The following PRKCB variants were observed in gnomAD, a reference collection of about 807,000 sequenced individuals.
PRKCB encodes protein kinase C beta, also known as protein kinase C beta type.
A neutral mutation model predicts 81.5 loss-of-function variants in PRKCB; 13 were observed. The ratio of observed to expected loss-of-function variants is 0.16; its 90% CI spans 0.10 to 0.25. The LOEUF is 0.25. PRKCB is among the 10% of genes least tolerant of loss of function. The pLI, the probability that PRKCB is intolerant of heterozygous loss-of-function variation, is 1.00. For synonymous variants in PRKCB, 335 were observed against 321.4 expected (o/e 1.04, Z -0.45); for missense variants, 509 against 875.7 (o/e 0.58, Z 5.29).
intron 2 of PRKCB, among the ~76,000 whole-genome samples, chr16:23,971,558 G>A (rs553730353): frequency 6.6e-6 from 1 of 152,178 alleles, no homozygotes; most frequent in Non-Finnish European, 1.5e-5. Flanking sequence ...AGCAAGAGAC[G>A]AGAAGGTGGG....
intron 7 of PRKCB, among the ~76,000 whole-genome samples, chr16:24,108,316 TTTTTATTTTTTA>T (rs1003165572): frequency 6.7e-6 from 1 of 148,596 alleles, no homozygotes; most frequent in African/African-American, 2.5e-5. Context: ...ATTGATTGAC[TTTTTATTTTTTA>T]TTTTATTTTT....
chr16:23,923,510 C>T (rs1037343766), intron 2 of PRKCB, among the ~76,000 whole-genome samples: 4 of 152,102 alleles, frequency 2.6e-5, no homozygotes, highest in Admixed American at 6.6e-5. Context: ...ATGGAATTAA[C>T]ACTACCTGAA....
chr16:23,843,058 A>G (rs1962294609), intron 2 of PRKCB, among the ~76,000 whole-genome samples: 1 of 152,232 alleles, frequency 6.6e-6, no homozygotes, highest in Admixed American at 6.5e-5. Flanking sequence ...ACCCTATCAA[A>G]TATAAAGTTT....
chr16:24,214,464 T>C (rs142676683), intron 16 of PRKCB, among the ~76,000 whole-genome samples, 194 bp from the exon 17 acceptor site: 63 of 152,266 alleles, frequency 4.1e-4, no homozygotes, highest in African/African-American at 1.4e-3. Context: ...CCCAAGGTCG[T>C]GCACCAAAGG....
Position 23,837,775 on chromosome 16 carries a change from C to T in PRKCB, c.205+369C>T, listed in dbSNP as rs529409380. Reference sequence around the variant, plus strand: ...AGTTCCCCTTTCTCTGCCCATGTCCCTTCCTTATCTCACCCAGGGAGGTTC... The same window carrying T: ...AGTTCCCCTTTCTCTGCCCATGTCCTTTCCTTATCTCACCCAGGGAGGTTC... On this transcript the variant is annotated intron_variant, in intron 2 of 16. Coordinates refer to ENST00000643927, the MANE Select transcript of PRKCB (RefSeq NM_002738.7). Among the ~76,000 whole-genome samples, 647 of 152,296 alleles carry T rather than the reference C, an allele frequency of 4.2e-3. 4 individuals carry two copies. The highest frequency in any genetic ancestry group is 0.015 in the African/African-American group (616 of 41,550).
chr16:24,110,150 G>GGAGGGAGAA (rs1966656114), intron 7 of PRKCB, among the ~76,000 whole-genome samples: 1 of 122,596 alleles, frequency 8.2e-6, no homozygotes, highest in Non-Finnish European at 1.6e-5. Flanking sequence ...AGGAGGGAGA[G>GGAGGGAGAA]GAGGGAGAGG....
intron 6 of PRKCB, 63 bp from the exon 7 acceptor site, chr16:24,094,100 C>T (rs1222330575): frequency 1.7e-5 from 26 of 1,559,186 alleles, no homozygotes; most frequent in Non-Finnish European, 2.1e-5. Flanking sequence ...TCCTCTTGTA[C>T]ATTTATTCTG....
At chr16:23,959,812 T>G (rs1045507588) in intron 2 of PRKCB, among the ~76,000 whole-genome samples, 5 of 152,154 alleles carry the variant, frequency 3.3e-5, no homozygotes. Flanking sequence ...CTGGGCTAAG[T>G]GTAGACATGA....
rs1434583592 is a variant in PRKCB, at chr16:24,094,799, G to A, written c.821+502G>A. ...AAGAGAGAGAGAGAGAAGGAATGAA[G>A]GAAGGGAGGGAGGAAGGAAGGAAGG... On this transcript the variant is annotated intron_variant, in intron 7 of 16. Transcript: ENST00000643927. Among the ~76,000 whole-genome samples the A allele has an allele frequency of 3.7e-5, 5 of 136,486 alleles. No homozygotes were observed. The Admixed American group carries it at 3.8e-4, about 10-fold the overall frequency. The allele number at this position is 136,486 out of a possible 152,430, so 89.5% of individuals were successfully genotyped here.
chr16:24,093,079 TC>T, intron 6 of PRKCB, 132 bp downstream of exon 6: 1 of 962,178 alleles, frequency 1.0e-6, no homozygotes, highest in Non-Finnish European at 1.5e-6. Flanking sequence ...GTCTTCTCCA[TC>T]CCTCACTCCT....
At chr16:23,851,294 A>G (rs1047751447) in intron 2 of PRKCB, among the ~76,000 whole-genome samples, 3 of 152,188 alleles carry the variant, frequency 2.0e-5, no homozygotes, top group African/African-American at 7.2e-5. Flanking sequence ...GCATTCTTCT[A>G]CATGTGGATA....
At chr16:23,884,169 T>C (rs969144487) in intron 2 of PRKCB, among the ~76,000 whole-genome samples, 2 of 152,162 alleles carry the variant, frequency 1.3e-5, no homozygotes, top group African/African-American at 4.8e-5. Flanking sequence ...AAAGAGAGTC[T>C]CAGAGAGTAT....
intron 2 of PRKCB, among the ~76,000 whole-genome samples, chr16:23,847,358 ATCTATCTATCTATCTATCTG>A (rs768006613): frequency 0.25 from 18,914 of 75,718 alleles, 1,434 homozygotes; most frequent in South Asian, 0.36. Flanking sequence ...CTATCTATCT[ATCTATCTATCTATCTATCTG>A]TCCATCTATC....
intron 1 of PRKCB, chr16:23,837,115 C>T (rs984478689): frequency 3.6e-6 from 2 of 559,558 alleles, no homozygotes; most frequent in Non-Finnish European, 3.2e-6. Flanking sequence ...TCAGCCCCTA[C>T]CCCGACGGAA....
chr16:23,990,675 G>A (rs1278892678), intron 3 of PRKCB, among the ~76,000 whole-genome samples: 2 of 151,796 alleles, frequency 1.3e-5, no homozygotes, highest in Non-Finnish European at 2.9e-5. Flanking sequence ...AGCCGCCCAC[G>A]TAGCTGGGCC....
intron 7 of PRKCB, among the ~76,000 whole-genome samples, chr16:24,105,419 G>A (rs1256340223): frequency 6.6e-6 from 1 of 151,910 alleles, no homozygotes; most frequent in Non-Finnish European, 1.5e-5. Context: ...AGAAAGTGCA[G>A]GTTTGTTACA....
intron 2 of PRKCB, among the ~76,000 whole-genome samples, chr16:23,983,938 G>A (rs1465754041): frequency 6.6e-6 from 1 of 152,116 alleles, no homozygotes; most frequent in Non-Finnish European, 1.5e-5. Flanking sequence ...AAGAAAGGTT[G>A]TAGAATAAAG....
chr16:24,151,416 A>G (rs992231296), intron 9 of PRKCB, among the ~76,000 whole-genome samples: 1 of 152,228 alleles, frequency 6.6e-6, no homozygotes, highest in Non-Finnish European at 1.5e-5. Flanking sequence ...TTGAAATGTG[A>G]CTAGATTTTT....
At position 24,185,501 on chromosome 16, in the gene PRKCB, C is replaced by G; in HGVS notation, c.1656C>G (p.Ser552=). The G allele has an allele frequency of 6.2e-7, 1 of 1,614,138 alleles. No homozygotes were observed. Among genetic ancestry groups the G allele is most frequent in the South Asian group, 1.1e-5 (1 of 91,078 alleles). The change falls in exon 15 of 17, where the codon TCC becomes TCG. Residue 552 remains serine (S), a synonymous_variant. Coordinates refer to ENST00000643927, the MANE Select transcript of PRKCB (RefSeq NM_002738.7). ...EGEDEDELFQ[S]IMEHNVAYPK... is the part of the protein sequence containing the mutation. Reference sequence around the variant, plus strand: ...AGGATGAAGATGAACTCTTCCAATCCATCATGGAACACAACGTAGCCTATC... The same window carrying G: ...AGGATGAAGATGAACTCTTCCAATCGATCATGGAACACAACGTAGCCTATC...
Sources: gnomAD v4.1 joint callset for allele counts (sites outside exome capture counted in the v4.1 genomes callset) on GRCh38, gnomAD v4.1.1 for gene constraint, MANE v1.5 for transcripts, NCBI Gene and HGNC (gene_info 2026-07-23, HGNC 2026-07-21) for gene names.